IER2: variants seen among roughly 807,000 people sequenced by gnomAD.
IER2 encodes immediate early response 2, also known as immediate early response gene 2 protein.
For missense variants in IER2, 372 were observed against 325.4 expected, an observed-to-expected ratio of 1.14 and a Z score of -1.10; for synonymous variants, 198 against 149.6, an observed-to-expected ratio of 1.32 and a Z score of -2.36.
In IER2 at chr19:13,151,739, C is replaced by G. The variant is rs955887066; in HGVS notation, c.-244+1187C>G. On this transcript the variant is annotated intron_variant, in intron 1 of 1. Coordinates refer to ENST00000292433, the MANE Select transcript of IER2 (RefSeq NM_004907.3). ...AGGAAGCCTGGGGCTCCAGCCTGCT[C>G]CGGCTGCCCGGGTCGGGGATGGGGA... Among the ~76,000 whole-genome samples, 17 of 152,316 alleles carry G rather than the reference C, an allele frequency of 1.1e-4. No individual in the cohort carries two copies. In the East Asian group the frequency reaches 3.1e-3, roughly 28 times the overall value.
chr19:13,153,019 G>A lies in IER2; in HGVS notation c.-168G>A. ...GCGGGGTGTCTCAGTGACGTCACTG[G>A]GGGTATAAAAGGGCCTGGGTGGCGG... On this transcript the variant is annotated 5_prime_UTR_variant, in exon 2 of 2. Transcript: ENST00000292433. 1 of 464,288 alleles carries A rather than the reference G, an allele frequency of 2.2e-6. No homozygotes were observed. The highest frequency in any genetic ancestry group is 3.5e-5 in the East Asian group (1 of 28,568). The allele number at this position is 464,288 out of a possible 1,614,324, so 28.8% of individuals were successfully genotyped here.
At position 13,153,903 on chromosome 19, in the gene IER2, G is replaced by T; in HGVS notation, c.*45G>T. ...CGGAGCCCAGAGCGCGCGTCGAACC[G>T]TCGGCCCGAGGGCGCAGACCTGAGG... On this transcript the variant is annotated 3_prime_UTR_variant, in exon 2 of 2. Transcript: ENST00000292433. 1 of 1,386,600 alleles carries T rather than the reference G, an allele frequency of 7.2e-7. No homozygotes were observed. Among genetic ancestry groups the T allele is most frequent in the Non-Finnish European group, 9.4e-7 (1 of 1,068,706 alleles). 85.9% of individuals were successfully genotyped at this position (1,386,600 alleles called of 1,614,324 possible). A position where few individuals can be genotyped will look rare whatever the true frequency, so the allele number is the denominator to read the frequency against.
Position 13,154,744 on chromosome 19 carries a change from T to C in IER2, c.*886T>C, listed in dbSNP as rs2020108743. On this transcript the variant is annotated 3_prime_UTR_variant, in exon 2 of 2. Transcript: ENST00000292433. Reference sequence around the variant, plus strand: ...AGGCATAAGGCTGAGCTGAGACCAGTTGCTGGTGAAACTGGGCCAATCTGG... The same window carrying C: ...AGGCATAAGGCTGAGCTGAGACCAGCTGCTGGTGAAACTGGGCCAATCTGG... The C allele has an allele frequency of 6.0e-6, 1 of 167,076 alleles. No individual in the cohort carries two copies. Among genetic ancestry groups the C allele is most frequent in the African/African-American group, 2.4e-5 (1 of 41,514 alleles). The allele number at this position is 167,076 out of a possible 1,614,324, so 10.3% of individuals were successfully genotyped here.
Position 13,153,108 on chromosome 19 carries a change from C to G in IER2, c.-79C>G, listed in dbSNP as rs1306970776. On this transcript the variant is annotated 5_prime_UTR_variant, in exon 2 of 2. Coordinates refer to ENST00000292433, the MANE Select transcript of IER2 (RefSeq NM_004907.3). The stretch of plus-strand genomic sequence containing the variant: ...GTTGGTTTGTGTAGAGAGGCGTGAG[C>G]GAGCCCGTTGTCCGGAGTGCACCTG... 2.7e-5 allele frequency: 30 copies of G among 1,116,568 alleles called. No homozygotes were observed. The highest frequency in any genetic ancestry group is 3.5e-5 in the Non-Finnish European group (28 of 808,120). 69.2% of individuals were successfully genotyped at this position (1,116,568 alleles called of 1,614,324 possible).
Position 13,153,553 on chromosome 19 carries a change from CGCA to C in IER2, c.376_378del (p.Ser126del), listed in dbSNP as rs1246691544. 5 of 1,593,456 alleles carry C rather than the reference CGCA, an allele frequency of 3.1e-6. No homozygotes were observed. The African/African-American group carries it at 5.4e-5, about 17-fold the overall frequency. On this transcript the variant is annotated inframe_deletion, in exon 2 of 2. Transcript: ENST00000292433. Reference sequence around the variant, plus strand: ...CCCCGCCAAAGTCAGCCGCAAACGACGCAGCAGCAGCCTGAGCGACGGCGGGGA... The same window carrying C: ...CCCCGCCAAAGTCAGCCGCAAACGACGCAGCAGCCTGAGCGACGGCGGGGA...
chr19:13,152,617 A>G lies in IER2; in HGVS notation c.-243-327A>G, dbSNP rs1421960399. ...CGTTGTAAGCGCTGTTAGCATGATT[A>G]TTGGTGCAGAAAACACTCATTAGAC... On this transcript the variant is annotated intron_variant, in intron 1 of 1. Coordinates refer to ENST00000292433, the MANE Select transcript of IER2 (RefSeq NM_004907.3). 1.3e-5 allele frequency: 2 copies of G among 152,278 alleles called. 1 individual carries two copies. Among genetic ancestry groups the G allele is most frequent in the Admixed American group, 1.3e-4 (2 of 15,276 alleles). The allele number at this position is 152,278 out of a possible 1,614,324, so 9.4% of individuals were successfully genotyped here.
In IER2 at chr19:13,153,587, G is replaced by C; in HGVS notation, c.401G>C (p.Gly134Ala). ...SSSLSDGGDAGLVPSKKARLE... is the reference protein window; with the variant it reads ...SSSLSDGGDAALVPSKKARLE... ...AGCCTGAGCGACGGCGGGGACGCTG[G>C]ACTGGTCCCGAGCAAGAAAGCCCGT... Residue 134 changes from glycine to alanine, a missense_variant, in exon 2 of 2, where the codon GGA becomes GCA. Coordinates refer to ENST00000292433, the MANE Select transcript of IER2 (RefSeq NM_004907.3). The C allele has an allele frequency of 6.2e-7, 1 of 1,605,580 alleles. No individual in the cohort carries two copies. Among genetic ancestry groups the C allele is most frequent in the Non-Finnish European group, 8.5e-7 (1 of 1,176,442 alleles).
In IER2 at chr19:13,153,477, C is replaced by T. The variant is rs183553418; in HGVS notation, c.291C>T (p.Asp97=). Residue 97 remains aspartate (D), a synonymous_variant, in exon 2 of 2, where the codon GAC becomes GAT. Transcript: ENST00000292433. ...DGEHPFPEPM[D]TQEAPTAEET... is the part of the protein sequence containing the mutation. ...AGCACCCGTTTCCGGAGCCAATGGA[C>T]ACGCAGGAGGCGCCGACAGCCGAGG... The T allele has an allele frequency of 5.3e-5, 85 of 1,592,098 alleles. No individual in the cohort carries two copies. The Middle Eastern group carries it at 8.3e-4, about 16-fold the overall frequency.
Position 13,153,136 on chromosome 19 carries a change from G to C in IER2, c.-51G>C. The C allele has an allele frequency of 7.2e-7, 1 of 1,390,580 alleles. No homozygotes were observed. The highest frequency in any genetic ancestry group is 1.5e-5 in the African/African-American group (1 of 68,084). The allele number at this position is 1,390,580 out of a possible 1,614,324, so 86.1% of individuals were successfully genotyped here. On this transcript the variant is annotated 5_prime_UTR_variant, in exon 2 of 2. Coordinates refer to ENST00000292433, the MANE Select transcript of IER2 (RefSeq NM_004907.3). ...GCCCGTTGTCCGGAGTGCACCTGCT[G>C]CCTGTTCTGTCCCTCCCGGGAGCCC...
chr19:13,152,123 A>G (rs1352156183), intron 1 of IER2: 1 of 152,136 alleles, frequency 6.6e-6, no homozygotes, highest in African/African-American at 2.4e-5. Context: ...GAGATTTTCT[A>G]TCTGCTCTGT....
rs1333834273 is a variant in IER2 at position 13,153,357 on chromosome 19, C to G, written c.171C>G (p.Pro57=). ...CGGCCAAGGTGGAGGCCCTCGAGCC[C>G]GAGGTGTCGTTGCCGGCCGCCCTCC... ...YLSAKVEALE[P]EVSLPAALPS... The change falls in exon 2 of 2, where the codon CCC becomes CCG. Residue 57 remains proline, a synonymous_variant. Coordinates refer to ENST00000292433, the MANE Select transcript of IER2 (RefSeq NM_004907.3). 1 of 1,596,404 alleles carries G rather than the reference C, an allele frequency of 6.3e-7. No individual in the cohort carries two copies. Among genetic ancestry groups the G allele is most frequent in the African/African-American group, 1.3e-5 (1 of 74,550 alleles).
In IER2 at chr19:13,153,365, C is replaced by T. The variant is rs1415429477; in HGVS notation, c.179C>T (p.Ser60Leu). Residue 60 changes from serine (S) to leucine (L), a missense_variant, in exon 2 of 2, where the codon TCG (serine) becomes TTG (leucine). Coordinates refer to ENST00000292433, the MANE Select transcript of IER2 (RefSeq NM_004907.3). Reference protein sequence around the residue: ...AKVEALEPEVSLPAALPSDPR... With the variant: ...AKVEALEPEVLLPAALPSDPR... ...GTGGAGGCCCTCGAGCCCGAGGTGT[C>T]GTTGCCGGCCGCCCTCCCCTCTGAC... 6 of 1,591,336 alleles carry T rather than the reference C, an allele frequency of 3.8e-6. No individual in the cohort carries two copies. The East Asian group carries it at 1.1e-4, about 30-fold the overall frequency.
At position 13,153,456 on chromosome 19, in the gene IER2, C is replaced by A; in HGVS notation, c.270C>A (p.His90Gln). 1 of 1,595,768 alleles carries A rather than the reference C, an allele frequency of 6.3e-7. No homozygotes were observed. The highest frequency in any genetic ancestry group is 8.5e-7 in the Non-Finnish European group (1 of 1,172,778). The change falls in exon 2 of 2, where the codon CAC (histidine) becomes CAA (glutamine). Residue 90 changes from histidine (H) to glutamine (Q), a missense_variant. By Grantham distance (24) the His-to-Gln change is conservative. Coordinates refer to ENST00000292433, the MANE Select transcript of IER2 (RefSeq NM_004907.3). ...TAETATPDGEHPFPEPMDTQE... is the reference protein window; with the variant it reads ...TAETATPDGEQPFPEPMDTQE... ...AGACAGCGACCCCCGACGGTGAGCA[C>A]CCGTTTCCGGAGCCAATGGACACGC...
Position 13,153,183 on chromosome 19 carries a change from C to G in IER2, c.-4C>G. On this transcript the variant is annotated 5_prime_UTR_variant, in exon 2 of 2. Coordinates refer to ENST00000292433, the MANE Select transcript of IER2 (RefSeq NM_004907.3). Reference sequence around the variant, plus strand: ...GCCCCCGCCGCTGTCGCCGTCGAGTCGCCATGGAAGTGCAGAAAGAGGCAC... The same window carrying G: ...GCCCCCGCCGCTGTCGCCGTCGAGTGGCCATGGAAGTGCAGAAAGAGGCAC... The G allele has an allele frequency of 6.7e-7, 1 of 1,501,824 alleles. No individual in the cohort carries two copies. Among genetic ancestry groups the G allele is most frequent in the Non-Finnish European group, 8.9e-7 (1 of 1,126,254 alleles). 93.0% of individuals were successfully genotyped at this position (1,501,824 alleles called of 1,614,324 possible). A position where few individuals can be genotyped will look rare whatever the true frequency, so the allele number is the denominator to read the frequency against.
chr19:13,152,734 G>C (rs1033264766), intron 1 of IER2: 4 of 153,732 alleles, frequency 2.6e-5, no homozygotes, highest in African/African-American at 9.6e-5. Flanking sequence ...TGCTGCCCAC[G>C]ACCCACTGGG....
At chr19:13,151,528 G>A (rs921606088) in intron 1 of IER2, among the ~76,000 whole-genome samples, 24 of 151,484 alleles carry the variant, frequency 1.6e-4, no homozygotes, top group Non-Finnish European at 2.5e-4. Flanking sequence ...GGATGAAGGG[G>A]GCCTCAGCGG....
At chr19:13,151,990 A>G (rs1028901223) in intron 1 of IER2, 1 of 152,252 alleles carries the variant, frequency 6.6e-6, no homozygotes, top group Non-Finnish European at 1.5e-5. Flanking sequence ...CGGGGGGCGC[A>G]CCACCCCTTA....
At position 13,150,758 on chromosome 19, in the gene IER2, G is replaced by A. The variant is rs2020044401; in HGVS notation, c.-244+206G>A. 6.6e-6 allele frequency among the ~76,000 whole-genome samples: 1 copy of A among 152,144 alleles called. No homozygotes were observed. The highest frequency in any genetic ancestry group is 2.1e-4 in the South Asian group (1 of 4,828). ...CCCTGCGGGGGCGCGGTGAGGAGCG[G>A]GCCTGCTCCTCCGGGGAGTTCTGCC... is the stretch of plus-strand genomic sequence containing the variant. On this transcript the variant is annotated intron_variant, in intron 1 of 1. Transcript: ENST00000292433. This position sits in a 1 kb window ranked among gnomAD's most constrained non-coding sequence, Gnocchi z 4.0.
rs185624425 is a variant in IER2 at position 13,151,501 on chromosome 19, T to C, written c.-244+949T>C. 2.1e-3 allele frequency among the ~76,000 whole-genome samples: 264 copies of C among 127,248 alleles called. 5 individuals carry two copies. Among genetic ancestry groups the C allele is most frequent in the Admixed American group, 0.02 (251 of 12,396 alleles). 83.5% of individuals were successfully genotyped at this position (127,248 alleles called of 152,430 possible). A position where few individuals can be genotyped will look rare whatever the true frequency, so the allele number is the denominator to read the frequency against. On this transcript the variant is annotated intron_variant, in intron 1 of 1. Transcript: ENST00000292433. ...GGGGGCCTTGTATGGGGGAAATAAT[T>C]GGGAAGAGGAGAGATGGGATGAAGG...
Sources: gnomAD v4.1 joint callset for allele counts (sites outside exome capture counted in the v4.1 genomes callset) on GRCh38, gnomAD v4.1.1 for gene constraint, Gnocchi (gnomAD v3.1) non-coding constraint, MANE v1.5 for transcripts, NCBI Gene and HGNC (gene_info 2026-07-23, HGNC 2026-07-21) for gene names.